Variants in SGCZ observed in about 807,000 individuals in gnomAD.
SGCZ encodes the protein zeta-sarcoglycan.
A neutral mutation model predicts 41.3 loss-of-function variants in SGCZ; 40 were observed. That is an observed-to-expected ratio of 0.97 (90% CI 0.75 to 1.26). The LOEUF (loss-of-function observed/expected upper bound fraction) is 1.26, where lower values mean the gene tolerates loss of function less well. Among genes scored for constraint, SGCZ ranks in the 50% most tolerant of loss-of-function variants. The pLI, the probability that SGCZ is intolerant of heterozygous loss-of-function variation, is 0.00. For missense variants in SGCZ, 552 were observed against 369.8 expected, an observed-to-expected ratio of 1.49 and a Z score of -4.04; for synonymous variants, 206 against 137.5, an observed-to-expected ratio of 1.50 and a Z score of -3.49.
At chr8:14,542,910 C>T (rs1803514337) in intron 2 of SGCZ, among the ~76,000 whole-genome samples, 1 of 151,546 alleles carries the variant, frequency 6.6e-6, no homozygotes, top group Admixed American at 6.6e-5. Context: ...TTTTTTTTAA[C>T]AAATGAAGTT....
chr8:14,931,111 G>C (rs1269690593), intron 1 of SGCZ, among the ~76,000 whole-genome samples: 1 of 151,904 alleles, frequency 6.6e-6, no homozygotes, highest in Non-Finnish European at 1.5e-5. Context: ...CTTTTAACGA[G>C]GTGTCTTAGA....
At chr8:14,834,463 C>T (rs1802631731) in intron 1 of SGCZ, among the ~76,000 whole-genome samples, 1 of 152,042 alleles carries the variant, frequency 6.6e-6, no homozygotes, top group African/African-American at 2.4e-5. Flanking sequence ...GAATGAGGTC[C>T]CTCCTTAACA....
At chr8:15,217,648 T>C (rs530974842) in intron 1 of SGCZ, among the ~76,000 whole-genome samples, 3 of 152,316 alleles carry the variant, frequency 2.0e-5, no homozygotes, top group Admixed American at 1.3e-4. Context: ...TTTGTTTTCC[T>C]GACTTGCATG....
At chr8:15,152,003 G>T (rs534233701) in intron 1 of SGCZ, among the ~76,000 whole-genome samples, 1 of 152,014 alleles carries the variant, frequency 6.6e-6, no homozygotes, top group African/African-American at 2.4e-5. Context: ...TTAAAACTGT[G>T]GTTAAGCAAA....
At position 15,090,033 on chromosome 8, in the gene SGCZ, T is replaced by C. The variant is rs564939198; in HGVS notation, c.39+147552A>G. Among the ~76,000 whole-genome samples, 158 of 152,342 alleles carry C rather than the reference T, an allele frequency of 1.0e-3. 1 individual carries two copies. The highest frequency in any genetic ancestry group is 1.8e-3 in the Non-Finnish European group (121 of 68,024). ...CAAAGTAGTAAAAACTGTTTGAAAC[T>C]TTTGATATTACCTTGTATGTTATCA... On this transcript the variant is annotated intron_variant, in intron 1 of 7. Coordinates refer to ENST00000382080, the MANE Select transcript of SGCZ (RefSeq NM_139167.4).
At chr8:14,385,885 C>T (rs1804556531) in intron 2 of SGCZ, among the ~76,000 whole-genome samples, 1 of 152,082 alleles carries the variant, frequency 6.6e-6, no homozygotes. Context: ...ATGTTCAATC[C>T]TTTATGTAAA....
At chr8:14,276,407 A>G (rs1426997) in intron 3 of SGCZ, among the ~76,000 whole-genome samples, 40,854 of 152,042 alleles carry the variant, frequency 0.27, 5,859 homozygotes, top group South Asian at 0.45. Flanking sequence ...GTTTCATTGC[A>G]TGACTGAAGC....
intron 4 of SGCZ, among the ~76,000 whole-genome samples, chr8:14,172,891 A>T (rs1804429780): frequency 1.3e-5 from 2 of 152,080 alleles, no homozygotes; most frequent in Admixed American, 1.3e-4. Context: ...GGACAGGATG[A>T]TACCATATGA....
chr8:14,089,570 T>C lies in SGCZ; in HGVS notation c.*873A>G, dbSNP rs1801623192. On this transcript the variant is annotated 3_prime_UTR_variant, in exon 8 of 8. Transcript: ENST00000382080. ...TAAAACCTAGGTGTAAAGGATAGCATGTGAATTTTTTAAAAATCATCTATG... is the reference window on the plus strand; with the variant it reads ...TAAAACCTAGGTGTAAAGGATAGCACGTGAATTTTTTAAAAATCATCTATG... 6.6e-6 allele frequency among the ~76,000 whole-genome samples: 1 copy of C among 152,030 alleles called. No individual in the cohort carries two copies. The highest frequency in any genetic ancestry group is 1.5e-5 in the Non-Finnish European group (1 of 67,968).
At chr8:15,201,874 C>T (rs1211456846) in intron 1 of SGCZ, among the ~76,000 whole-genome samples, 5 of 152,078 alleles carry the variant, frequency 3.3e-5, no homozygotes, top group Non-Finnish European at 1.5e-5. Context: ...GAGTGACTAT[C>T]TATATAAAAA....
At chr8:15,034,072 T>A (rs538103834) in intron 1 of SGCZ, among the ~76,000 whole-genome samples, 1 of 148,508 alleles carries the variant, frequency 6.7e-6, no homozygotes, top group African/African-American at 2.6e-5. Context: ...AAAGACACAA[T>A]AGCACAAAAG....
intron 2 of SGCZ, among the ~76,000 whole-genome samples, chr8:14,362,148 C>A (rs1260189696): frequency 1.3e-5 from 2 of 152,136 alleles, no homozygotes; most frequent in African/African-American, 2.4e-5. Flanking sequence ...GGTCTGGGAC[C>A]CCCTTGAGGA....
chr8:14,531,632 T>C (rs965675615), intron 2 of SGCZ, among the ~76,000 whole-genome samples: 2 of 152,088 alleles, frequency 1.3e-5, no homozygotes, highest in Non-Finnish European at 2.9e-5. Flanking sequence ...ATACACAGGA[T>C]AGCCATGAAG....
intron 1 of SGCZ, among the ~76,000 whole-genome samples, chr8:15,001,046 C>A (rs1421393413): frequency 1.3e-5 from 2 of 152,176 alleles, no homozygotes; most frequent in African/African-American, 2.4e-5. Flanking sequence ...GCAAAAGGGA[C>A]AACAACGGCT....
At chr8:14,347,090 G>T (rs1802912902) in intron 2 of SGCZ, among the ~76,000 whole-genome samples, 1 of 151,940 alleles carries the variant, frequency 6.6e-6, no homozygotes, top group Non-Finnish European at 1.5e-5. Context: ...AGTTGCCAGA[G>T]GCTACAATTT....
At chr8:14,098,486 G>A (rs775102529) in intron 7 of SGCZ, among the ~76,000 whole-genome samples, 2 of 152,128 alleles carry the variant, frequency 1.3e-5, no homozygotes, top group Non-Finnish European at 2.9e-5. Context: ...TGGTTGAGTG[G>A]AAGAGGAAGT....
At chr8:14,795,431 T>C (rs546137737) in intron 1 of SGCZ, among the ~76,000 whole-genome samples, 1 of 152,118 alleles carries the variant, frequency 6.6e-6, no homozygotes, top group South Asian at 2.1e-4. Context: ...CTTTGGGGTT[T>C]TTTTTTCATT....
intron 1 of SGCZ, among the ~76,000 whole-genome samples, chr8:14,863,697 G>A (rs1188911559): frequency 6.6e-6 from 1 of 152,052 alleles, no homozygotes; most frequent in Non-Finnish European, 1.5e-5. Flanking sequence ...TATTTTCTTG[G>A]ACTTTAAACT....
At chr8:14,743,681 G>A (rs566637811) in intron 1 of SGCZ, among the ~76,000 whole-genome samples, 29 of 151,836 alleles carry the variant, frequency 1.9e-4, no homozygotes, top group African/African-American at 6.5e-4. Context: ...GCTCTCCCCC[G>A]CCCGACACCC....
Sources: allele counts gnomAD v4.1 joint callset (sites outside exome capture counted in the v4.1 genomes callset), GRCh38; gene constraint gnomAD v4.1.1; transcripts MANE v1.5; gene names NCBI Gene and HGNC (gene_info 2026-07-23, HGNC 2026-07-21).